The following ZNF469 variants were observed in gnomAD, a reference collection of about 807,000 sequenced individuals.
ZNF469 encodes the protein zinc finger protein 469.
ZNF469 carries 1 observed loss-of-function variant against 1.0 expected under a neutral mutation model. That is an observed-to-expected ratio of 1.00 (90% CI 0.35 to 4.73). The LOEUF is 4.73. Among genes scored for constraint, ZNF469 ranks in the 30% most tolerant of loss-of-function variants. The probability of loss-of-function intolerance (pLI) is 0.16; values close to 1 mark genes in which losing one functional copy is unlikely to be tolerated. For missense variants in ZNF469, 6,100 were observed against 5,356.3 expected (o/e 1.14, Z -4.33); for synonymous variants, 2,703 against 2,363.4 (o/e 1.14, Z -4.17).
At chr16:88,293,353 G>C in the ZNF469 span, among the ~76,000 whole-genome samples, 3 of 151,520 alleles carry the variant, frequency 2.0e-5, no homozygotes, top group Non-Finnish European at 4.4e-5. Context: ...TGGATGGATG[G>C]TTAAATGAGT....
the ZNF469 span, among the ~76,000 whole-genome samples, chr16:88,123,515 C>T: frequency 5.3e-5 from 8 of 151,820 alleles, no homozygotes; most frequent in Non-Finnish European, 4.4e-5. Context: ...AATAAACTGC[C>T]GTGGATATTA....
chr16:88,150,736 C>T, the ZNF469 span, among the ~76,000 whole-genome samples: 3 of 118,280 alleles, frequency 2.5e-5, no homozygotes, highest in African/African-American at 3.4e-5. Flanking sequence ...TTTCCAGGTT[C>T]GAGTTTCCGG....
At chr16:88,249,561 A>G in the ZNF469 span, among the ~76,000 whole-genome samples, 1 of 149,444 alleles carries the variant, frequency 6.7e-6, no homozygotes, top group Non-Finnish European at 1.5e-5. Flanking sequence ...CTCAGCCTCC[A>G]AAGTAGCTGG....
the ZNF469 span, among the ~76,000 whole-genome samples, chr16:88,253,726 A>G: frequency 2.0e-5 from 3 of 151,966 alleles, no homozygotes; most frequent in Non-Finnish European, 2.9e-5. Context: ...TTTAGTAGAG[A>G]CAGGGTTTCA....
At chr16:88,406,553 C>T (rs894555807) in intron 1 of ZNF469, among the ~76,000 whole-genome samples, 9 of 152,202 alleles carry the variant, frequency 5.9e-5, no homozygotes, top group Non-Finnish European at 8.8e-5. Context: ...TGGTTCTTCT[C>T]ATTACAAAAG....
the ZNF469 span, among the ~76,000 whole-genome samples, chr16:88,342,614 C>A: frequency 3.3e-5 from 5 of 152,196 alleles, no homozygotes; most frequent in Non-Finnish European, 7.3e-5. Flanking sequence ...TGCCAGGGCC[C>A]GTCATGCAGA....
the ZNF469 span, among the ~76,000 whole-genome samples, chr16:88,121,908 G>A: frequency 1.0e-3 from 152 of 152,300 alleles, no homozygotes; most frequent in African/African-American, 3.3e-3. Flanking sequence ...GAGATGGTGC[G>A]TCCCTGTCCT....
the ZNF469 span, among the ~76,000 whole-genome samples, chr16:88,200,173 C>G: frequency 6.6e-6 from 1 of 152,136 alleles, no homozygotes; most frequent in African/African-American, 2.4e-5. Context: ...GTGGCACCAC[C>G]AAACCCCGGC....
chr16:88,262,632 C>A, the ZNF469 span, among the ~76,000 whole-genome samples: 5 of 152,276 alleles, frequency 3.3e-5, no homozygotes, highest in South Asian at 1.0e-3. The surrounding 1 kb of genome is among the most constrained non-coding windows in gnomAD (Gnocchi z 4.3). Flanking sequence ...GGGGCAGAGG[C>A]TCCCTATTGG....
chr16:88,101,688 C>A, the ZNF469 span, among the ~76,000 whole-genome samples: 2 of 152,076 alleles, frequency 1.3e-5, no homozygotes, highest in Non-Finnish European at 2.9e-5. Flanking sequence ...AGTGCCTTTA[C>A]GATATTTATA....
At chr16:88,339,158 G>C in the ZNF469 span, among the ~76,000 whole-genome samples, 11 of 121,888 alleles carry the variant, frequency 9.0e-5, no homozygotes, top group African/African-American at 3.8e-4. Flanking sequence ...GGGAGGACAG[G>C]GTGGCGGGGG....
At chr16:88,358,287 G>C in the ZNF469 span, among the ~76,000 whole-genome samples, 1 of 152,226 alleles carries the variant, frequency 6.6e-6, no homozygotes, top group East Asian at 1.9e-4. Flanking sequence ...CCCGCAGCTG[G>C]AAGGTCCACA....
At chr16:88,337,480 T>C in the ZNF469 span, among the ~76,000 whole-genome samples, 1 of 152,334 alleles carries the variant, frequency 6.6e-6, no homozygotes, top group Non-Finnish European at 1.5e-5. Context: ...TTATCAGCAG[T>C]GTGAGAACGG....
At chr16:88,280,745 C>T in the ZNF469 span, among the ~76,000 whole-genome samples, 8 of 149,410 alleles carry the variant, frequency 5.4e-5, no homozygotes, top group African/African-American at 9.9e-5. Flanking sequence ...TTTTGTTGCA[C>T]GTGTTGGTGC....
At chr16:88,240,915 C>T in the ZNF469 span, among the ~76,000 whole-genome samples, 5 of 152,118 alleles carry the variant, frequency 3.3e-5, no homozygotes, top group African/African-American at 1.2e-4. Flanking sequence ...GTAAGAGACA[C>T]ACAAGCCACC....
At chr16:88,412,733 G>A (rs1905205602) in intron 1 of ZNF469, among the ~76,000 whole-genome samples, 1 of 152,240 alleles carries the variant, frequency 6.6e-6, no homozygotes, top group African/African-American at 2.4e-5. Flanking sequence ...GGCGGGGACA[G>A]CTTGGAAAAT....
chr16:88,182,334 C>A, the ZNF469 span, among the ~76,000 whole-genome samples: 1 of 150,422 alleles, frequency 6.6e-6, no homozygotes, highest in Admixed American at 6.7e-5. Flanking sequence ...GAATCACAAT[C>A]AAAGTCTCAT....
chr16:88,439,063 A>T lies in ZNF469; in HGVS notation c.11593A>T (p.Asn3865Tyr), dbSNP rs1455269732. Residue 3865 changes from asparagine (N) to tyrosine (Y), a missense_variant, in exon 3 of 3, where the codon AAC becomes TAC. By Grantham distance (143) the Asn-to-Tyr change is moderately radical. Transcript: ENST00000565624. The part of the protein sequence containing the change: ...SRVLPTKPKP[N>Y]SQNKPRPPPS... ...CGTGCTCCCGACCAAGCCCAAGCCC[A>T]ACAGCCAGAACAAACCCAGGCCGCC... 1 of 1,550,396 alleles carries T rather than the reference A, an allele frequency of 6.4e-7. No homozygotes were observed. The highest frequency in any genetic ancestry group is 8.7e-7 in the Non-Finnish European group (1 of 1,146,910).
the ZNF469 span, among the ~76,000 whole-genome samples, chr16:88,221,119 T>C: frequency 2.0e-5 from 3 of 151,918 alleles, no homozygotes; most frequent in Admixed American, 6.6e-5. Flanking sequence ...GTACTGGGAG[T>C]GCCCAGGACA....
Sources: gnomAD v4.1 joint callset for allele counts (sites outside exome capture counted in the v4.1 genomes callset) on GRCh38, gnomAD v4.1.1 for gene constraint, Gnocchi (gnomAD v3.1) non-coding constraint, MANE v1.5 for transcripts, NCBI Gene and HGNC (gene_info 2026-07-23, HGNC 2026-07-21) for gene names.